ABCG4: variants seen among roughly 807,000 people sequenced by gnomAD.
ABCG4 encodes the protein ATP-binding cassette sub-family G member 4.
In ABCG4, 35 loss-of-function variants were observed where a neutral mutation model predicts 64.6. The ratio of observed to expected loss-of-function variants is 0.54; its 90% CI spans 0.41 to 0.72. The LOEUF is 0.72. Among genes scored for constraint, ABCG4 ranks in the 30% least tolerant of loss-of-function variants. ABCG4 has a pLI of 0.00. For synonymous variants in ABCG4, 326 were observed against 348.2 expected (o/e 0.94, Z 0.71); for missense variants, 610 against 846.3 (o/e 0.72, Z 3.46).
Position 119,160,149 on chromosome 11 carries a change from A to C in ABCG4, c.1438-78A>C. Reference sequence around the variant, plus strand: ...CTGGGAATAGGTATTCTAGAGGCCCAGCCTTGGGTGGAGTGGAGGTCTTGG... The same window carrying C: ...CTGGGAATAGGTATTCTAGAGGCCCCGCCTTGGGTGGAGTGGAGGTCTTGG... On this transcript the variant is annotated intron_variant, in intron 12 of 14. Coordinates refer to ENST00000619701, the MANE Select transcript of ABCG4 (RefSeq NM_022169.5). This position sits in a 1 kb window ranked among gnomAD's most constrained non-coding sequence, Gnocchi z 4.6. 6.6e-7 allele frequency: 1 copy of C among 1,505,960 alleles called. No individual in the cohort carries two copies. The highest frequency in any genetic ancestry group is 9.0e-7 in the Non-Finnish European group (1 of 1,109,590). The allele number at this position is 1,505,960 out of a possible 1,614,324, so 93.3% of individuals were successfully genotyped here.
chr11:119,156,657 T>C lies in ABCG4; in HGVS notation c.904T>C (p.Tyr302His). The C allele has an allele frequency of 6.2e-7, 1 of 1,614,126 alleles. No individual in the cohort carries two copies. The highest frequency in any genetic ancestry group is 8.5e-7 in the Non-Finnish European group (1 of 1,179,996). ...LKGLGLHCPT[Y>H]HNPADFIIEV... ...GGGACTCGGCTTGCATTGCCCCACC[T>C]ACCACAACCCGGCTGACTTCAGTGA... The change falls in exon 8 of 15, where the codon TAC becomes CAC. Residue 302 changes from tyrosine (Y) to histidine (H), a missense_variant. Physicochemically the swap from Tyr to His is moderately conservative, Grantham distance 83. Transcript: ENST00000619701. The surrounding 1 kb of genome is among the most constrained non-coding windows in gnomAD (Gnocchi z 5.5).
Position 119,153,993 on chromosome 11 carries a change from C to T in ABCG4, c.239-33C>T, listed in dbSNP as rs762651566. ...TTGGGGGTACCTCTGTTCACTGCAG[C>T]CTGACTAAAAATTCCTCCCCACCTC... On this transcript the variant is annotated intron_variant, in intron 2 of 14. Coordinates refer to ENST00000619701, the MANE Select transcript of ABCG4 (RefSeq NM_022169.5). The T allele has an allele frequency of 2.1e-5, 33 of 1,593,564 alleles. 1 individual carries two copies. In the South Asian group the frequency reaches 3.4e-4, roughly 17 times the overall value.
chr11:119,151,005 A>G (rs1948187895), intron 2 of ABCG4, among the ~76,000 whole-genome samples: 1 of 152,166 alleles, frequency 6.6e-6, no homozygotes, highest in African/African-American at 2.4e-5. Flanking sequence ...GGTTCAACAA[A>G]TAGGTTTGGG....
rs1173227072 is a variant in ABCG4, at chr11:119,157,010, C to T, written c.1064C>T (p.Pro355Leu). The change falls in exon 9 of 15, where the codon CCT becomes CTT. Residue 355 changes from proline to leucine, a missense_variant. By Grantham distance (98) the Pro-to-Leu change is moderately conservative. Coordinates refer to ENST00000619701, the MANE Select transcript of ABCG4 (RefSeq NM_022169.5). The part of the protein sequence containing the change: ...NEVPAPCPPC[P>L]PEVDPIESHT... ...GTCCCTGCCCCATGCCCTCCTTGTC[C>T]TCCGGTGAGTAGGGGTGGAGAGGGC... 2 of 1,605,598 alleles carry T rather than the reference C, an allele frequency of 1.2e-6. No individual in the cohort carries two copies. The highest frequency in any genetic ancestry group is 1.7e-5 in the Admixed American group (1 of 58,762).
In ABCG4 at chr11:119,154,985, C is replaced by A; in HGVS notation, c.686+70C>A. Reference sequence around the variant, plus strand: ...GGCCCTGAGCCAGGGCTGGAGGCTGCATCTTCTCCATGATCCAGAGCCTCT... The same window carrying A: ...GGCCCTGAGCCAGGGCTGGAGGCTGAATCTTCTCCATGATCCAGAGCCTCT... On this transcript the variant is annotated intron_variant, in intron 6 of 14. Coordinates refer to ENST00000619701, the MANE Select transcript of ABCG4 (RefSeq NM_022169.5). The surrounding 1 kb of genome is among the most constrained non-coding windows in gnomAD (Gnocchi z 7.0). The A allele has an allele frequency of 6.5e-7, 1 of 1,538,516 alleles. No individual in the cohort carries two copies. Among genetic ancestry groups the A allele is most frequent in the East Asian group, 2.3e-5 (1 of 43,984 alleles).
Position 119,149,980 on chromosome 11 carries a change from G to T in ABCG4, c.15G>T (p.Ala5=), listed in dbSNP as rs781702536. Residue 5 remains alanine (A), a synonymous_variant, in exon 2 of 15, where the codon GCG becomes GCT. Coordinates refer to ENST00000619701, the MANE Select transcript of ABCG4 (RefSeq NM_022169.5). This position sits in a 1 kb window ranked among gnomAD's most constrained non-coding sequence, Gnocchi z 8.3. Reference sequence around the variant, plus strand: ...TCGGCGGCGTGATGGCGGAGAAGGCGCTGGAGGCCGTGGGCTGTGGACTAG... The same window carrying T: ...TCGGCGGCGTGATGGCGGAGAAGGCTCTGGAGGCCGTGGGCTGTGGACTAG... The part of the protein sequence containing the change: MAEK[A]LEAVGCGLGP... 4 of 1,607,344 alleles carry T rather than the reference G, an allele frequency of 2.5e-6. No individual in the cohort carries two copies. The highest frequency in any genetic ancestry group is 1.3e-5 in the African/African-American group (1 of 75,016).
In ABCG4 at chr11:119,154,859, C is replaced by T. The variant is rs755741606; in HGVS notation, c.630C>T (p.Ala210=). 1 of 1,614,090 alleles carries T rather than the reference C, an allele frequency of 6.2e-7. No individual in the cohort carries two copies. Among genetic ancestry groups the T allele is most frequent in the East Asian group, 2.2e-5 (1 of 44,888 alleles). Residue 210 remains alanine, a synonymous_variant, in exon 6 of 15, where the codon GCC becomes GCT. Transcript: ENST00000619701. The surrounding 1 kb of genome is among the most constrained non-coding windows in gnomAD (Gnocchi z 7.0). The stretch of plus-strand genomic sequence containing the variant: ...CTGGCGGGCAGAGGAAGCGTCTGGC[C>T]ATCGCCCTGGAGCTGGTCAACAACC... ...LLSGGQRKRL[A]IALELVNNPP...
chr11:119,161,028 G>T lies in ABCG4; in HGVS notation c.1863G>T (p.Leu621=). Residue 621 remains leucine (L), a synonymous_variant, in exon 15 of 15, where the codon CTG becomes CTT. Coordinates refer to ENST00000619701, the MANE Select transcript of ABCG4 (RefSeq NM_022169.5). ...ATGCCAAGCTCTACATGGACTTCCT[G>T]GTCTTGGGCATCTTCTTCCTAGCCC... ...VEDAKLYMDF[L]VLGIFFLALR... 6.2e-7 allele frequency: 1 copy of T among 1,614,074 alleles called. No individual in the cohort carries two copies. The highest frequency in any genetic ancestry group is 8.5e-7 in the Non-Finnish European group (1 of 1,179,982).
rs756884348 is a variant in ABCG4 at position 119,149,947 on chromosome 11, C to G, written c.-12-7C>G. 73 of 1,599,692 alleles carry G rather than the reference C, an allele frequency of 4.6e-5. No individual in the cohort carries two copies. Among genetic ancestry groups the G allele is most frequent in the Admixed American group, 1.8e-4 (11 of 59,836 alleles). ...TGCCCCAAACTGAGCAGGCCCTCCC[C>G]TTGCAGGTCGGCGGCGTGATGGCGG... On this transcript the variant is annotated splice_region_variant and splice_polypyrimidine_tract_variant and intron_variant, in intron 1 of 14. Coordinates refer to ENST00000619701, the MANE Select transcript of ABCG4 (RefSeq NM_022169.5). The surrounding 1 kb of genome is among the most constrained non-coding windows in gnomAD (Gnocchi z 8.3).
chr11:119,157,003 C>A lies in ABCG4; in HGVS notation c.1057C>A (p.Pro353Thr), dbSNP rs746561710. The stretch of plus-strand genomic sequence containing the variant: ...GAACGAGGTCCCTGCCCCATGCCCT[C>A]CTTGTCCTCCGGTGAGTAGGGGTGG... ...EKNEVPAPCP[P>T]CPPEVDPIES... Residue 353 changes from proline to threonine, a missense_variant, in exon 9 of 15, where the codon CCT becomes ACT. Pro to Thr is a conservative substitution (Grantham distance 38). Coordinates refer to ENST00000619701, the MANE Select transcript of ABCG4 (RefSeq NM_022169.5). 1.9e-6 allele frequency: 3 copies of A among 1,607,928 alleles called. No individual in the cohort carries two copies. Among genetic ancestry groups the A allele is most frequent in the Non-Finnish European group, 2.5e-6 (3 of 1,177,036 alleles).
rs1366265292 is a variant in ABCG4 at position 119,154,330 on chromosome 11, T to C, written c.427T>C (p.Ser143Pro). ...GGAGCTGAGGACCTTCCGCAAGATGTCCTGCTACATCATGCAAGATGACAT... is the reference window on the plus strand; with the variant it reads ...GGAGCTGAGGACCTTCCGCAAGATGCCCTGCTACATCATGCAAGATGACAT... ...PRELRTFRKM[S>P]CYIMQDDMLL... The change falls in exon 4 of 15, where the codon TCC (serine) becomes CCC (proline). Residue 143 changes from serine (S) to proline (P), a missense_variant. Ser to Pro is a moderately conservative substitution (Grantham distance 74, BLOSUM62 -1). Coordinates refer to ENST00000619701, the MANE Select transcript of ABCG4 (RefSeq NM_022169.5). This position sits in a 1 kb window ranked among gnomAD's most constrained non-coding sequence, Gnocchi z 7.0. 1.2e-6 allele frequency: 2 copies of C among 1,614,068 alleles called. No homozygotes were observed. The highest frequency in any genetic ancestry group is 2.2e-5 in the East Asian group (1 of 44,892).
Position 119,161,232 on chromosome 11 carries a change from C to A in ABCG4, c.*126C>A. ...GCGGGGCTATCCTCTCCTCCCTTGG[C>A]TCCTCCACAGGCTGGCTGTCGGACT... On this transcript the variant is annotated 3_prime_UTR_variant, in exon 15 of 15. Transcript: ENST00000619701. The A allele has an allele frequency of 1.2e-6, 1 of 867,946 alleles. No individual in the cohort carries two copies. Among genetic ancestry groups the A allele is most frequent in the Non-Finnish European group, 1.7e-6 (1 of 579,728 alleles). 53.8% of individuals were successfully genotyped at this position (867,946 alleles called of 1,614,324 possible). A position where few individuals can be genotyped will look rare whatever the true frequency, so the allele number is the denominator to read the frequency against.
At position 119,151,668 on chromosome 11, in the gene ABCG4, G is replaced by A. The variant is rs115848377; in HGVS notation, c.238+1465G>A. ...CTCACTTAACATTCGTAATAACCCT[G>A]TAAGTCCTTGGGATTAGATATTACT... On this transcript the variant is annotated intron_variant, in intron 2 of 14. Coordinates refer to ENST00000619701, the MANE Select transcript of ABCG4 (RefSeq NM_022169.5). Among the ~76,000 whole-genome samples, 913 of 152,300 alleles carry A rather than the reference G, an allele frequency of 6.0e-3. 13 individuals carry two copies. Among genetic ancestry groups the A allele is most frequent in the African/African-American group, 0.019 (773 of 41,560 alleles).
rs929459224 is a variant in ABCG4 at position 119,156,185 on chromosome 11, T to C, written c.687-144T>C. ...GCTTCTGGGTATCCCTCCAAGTGCC[T>C]GAACCGTAAAGGATACAGATGCGGC... is the stretch of plus-strand genomic sequence containing the variant. On this transcript the variant is annotated intron_variant, in intron 6 of 14. Transcript: ENST00000619701. The surrounding 1 kb of genome is among the most constrained non-coding windows in gnomAD (Gnocchi z 5.5). The C allele has an allele frequency of 8.5e-5, 96 of 1,126,658 alleles. No homozygotes were observed. The African/African-American group carries it at 1.3e-3, about 16-fold the overall frequency. The allele number at this position is 1,126,658 out of a possible 1,614,324, so 69.8% of individuals were successfully genotyped here.
Position 119,160,459 on chromosome 11 carries a change from G to A in ABCG4, c.1596+74G>A. 6.2e-7 allele frequency: 1 copy of A among 1,608,798 alleles called. No individual in the cohort carries two copies. The highest frequency in any genetic ancestry group is 2.2e-5 in the East Asian group (1 of 44,842). ...GGGAGGAAGCAGGGCCTGGTGCAAG[G>A]GTTAGGGTGGAGCTCTAGGAAACCT... On this transcript the variant is annotated intron_variant, in intron 13 of 14. Coordinates refer to ENST00000619701, the MANE Select transcript of ABCG4 (RefSeq NM_022169.5). This position sits in a 1 kb window ranked among gnomAD's most constrained non-coding sequence, Gnocchi z 4.6.
rs936896707 is a variant in ABCG4, at chr11:119,156,518, G to T, written c.811-46G>T. On this transcript the variant is annotated intron_variant, in intron 7 of 14. Transcript: ENST00000619701. This position sits in a 1 kb window ranked among gnomAD's most constrained non-coding sequence, Gnocchi z 5.5. ...GAGGGATGGAAGGGGGTCAGTAGGG[G>T]TGCCTGGCCCGCTGTTCCTTCCTTA... is the stretch of plus-strand genomic sequence containing the variant. 2 of 1,613,940 alleles carry T rather than the reference G, an allele frequency of 1.2e-6. No individual in the cohort carries two copies.
chr11:119,155,879 G>A lies in ABCG4; in HGVS notation c.687-450G>A, dbSNP rs1339104688. The A allele has an allele frequency of 5.3e-6, 1 of 190,254 alleles. No homozygotes were observed. Among genetic ancestry groups the A allele is most frequent in the African/African-American group, 2.4e-5 (1 of 42,496 alleles). 11.8% of individuals were successfully genotyped at this position (190,254 alleles called of 1,614,324 possible). ...TTCTGCTGGAATGCCCTTCACCACT[G>A]TGCCTGCCCTCTCCCCTTCACCTGC... On this transcript the variant is annotated intron_variant, in intron 6 of 14. Transcript: ENST00000619701. This position sits in a 1 kb window ranked among gnomAD's most constrained non-coding sequence, Gnocchi z 4.5.
chr11:119,157,641 C>T (rs1046889452), intron 9 of ABCG4, among the ~76,000 whole-genome samples: 5 of 144,752 alleles, frequency 3.5e-5, no homozygotes, highest in African/African-American at 1.1e-4. Context: ...TTTGGGAGGC[C>T]GAGGCGGGTG....
Position 119,161,237 on chromosome 11 carries a change from C to G in ABCG4, c.*131C>G. On this transcript the variant is annotated 3_prime_UTR_variant, in exon 15 of 15. Coordinates refer to ENST00000619701, the MANE Select transcript of ABCG4 (RefSeq NM_022169.5). ...GCTATCCTCTCCTCCCTTGGCTCCTCCACAGGCTGGCTGTCGGACTGCGCT... is the reference window on the plus strand; with the variant it reads ...GCTATCCTCTCCTCCCTTGGCTCCTGCACAGGCTGGCTGTCGGACTGCGCT... 1 of 836,900 alleles carries G rather than the reference C, an allele frequency of 1.2e-6. No individual in the cohort carries two copies. Among genetic ancestry groups the G allele is most frequent in the Non-Finnish European group, 1.8e-6 (1 of 552,654 alleles). The allele number at this position is 836,900 out of a possible 1,614,324, so 51.8% of individuals were successfully genotyped here.
Sources: allele counts gnomAD v4.1 joint callset (sites outside exome capture counted in the v4.1 genomes callset), GRCh38; gene constraint gnomAD v4.1.1; non-coding constraint Gnocchi (gnomAD v3.1); transcripts MANE v1.5; gene names NCBI Gene and HGNC (gene_info 2026-07-23, HGNC 2026-07-21).